The following HK1 variants were observed in gnomAD, a reference collection of about 807,000 sequenced individuals.
The protein encoded by HK1 is hexokinase-1.
In HK1, 28 loss-of-function variants were observed where a neutral mutation model predicts 91.6. That is an observed-to-expected ratio of 0.31 (90% CI 0.23 to 0.42). The LOEUF (loss-of-function observed/expected upper bound fraction) is 0.42, where lower values mean the gene tolerates loss of function less well. HK1 is among the 10% of genes least tolerant of loss of function. HK1 has a pLI of 1.00. For missense variants in HK1, 770 were observed against 1,219.8 expected (o/e 0.63, Z 5.49); for synonymous variants, 430 against 468.1 (o/e 0.92, Z 1.05).
chr10:69,309,750 C>T (rs1846275179), intron 5 of HK1, among the ~76,000 whole-genome samples: 1 of 141,946 alleles, frequency 7.0e-6, no homozygotes, highest in Non-Finnish European at 1.5e-5. Context: ...GCAGTGAGTT[C>T]AGATTGCACC....
In HK1 at chr10:69,401,192, C is replaced by A; in HGVS notation, c.*57C>A. On this transcript the variant is annotated 3_prime_UTR_variant, in exon 18 of 18. Transcript: ENST00000359426. ...AGCACTTCTCTCTTCAAGCGGCGAC[C>A]CCCTACCCTCCCAGCGAGTTGCGCT... The A allele has an allele frequency of 1.3e-6, 2 of 1,567,602 alleles. No individual in the cohort carries two copies. The highest frequency in any genetic ancestry group is 1.7e-6 in the Non-Finnish European group (2 of 1,158,578).
chr10:69,316,128 G>A (rs1846628780), upstream of HK1: 8 of 890,950 alleles, frequency 9.0e-6, no homozygotes, highest in Admixed American at 3.4e-5. Flanking sequence ...TATGAGCGGC[G>A]AACAAATGGA....
At chr10:69,277,894 G>A (rs147191808) in intron 1 of HK1, among the ~76,000 whole-genome samples, 3,429 of 152,196 alleles carry the variant, frequency 0.023, 136 homozygotes, top group African/African-American at 0.077. Flanking sequence ...TTAGCTGGGC[G>A]TGGTGGCAGG....
At chr10:69,305,609 C>G (rs1329036551) in intron 5 of HK1, among the ~76,000 whole-genome samples, 1 of 151,996 alleles carries the variant, frequency 6.6e-6, no homozygotes, top group African/African-American at 2.4e-5. Context: ...AATCCCAACA[C>G]TTTGGGAGGC....
chr10:69,386,943 T>C (rs1839665092), intron 13 of HK1, among the ~76,000 whole-genome samples: 2 of 152,096 alleles, frequency 1.3e-5, no homozygotes, highest in African/African-American at 4.8e-5. Context: ...ATTTTTTTTT[T>C]AGAAAGGCAA....
intron 1 of HK1, among the ~76,000 whole-genome samples, chr10:69,323,201 T>A (rs1302962990): frequency 1.4e-5 from 2 of 146,886 alleles, no homozygotes; most frequent in Non-Finnish European, 3.0e-5. Context: ...GCCAGGATCA[T>A]GCCACTGCAC....
Position 69,392,230 on chromosome 10 carries a change from A to T in HK1, c.2141A>T (p.Asp714Val). 1.2e-6 allele frequency: 2 copies of T among 1,614,188 alleles called. No homozygotes were observed. Among genetic ancestry groups the T allele is most frequent in the Admixed American group, 1.7e-5 (1 of 60,026 alleles). The change falls in exon 15 of 18, where the codon GAC (aspartate) becomes GTC (valine). Residue 714 changes from aspartate (D) to valine (V), a missense_variant. By Grantham distance (152) the Asp-to-Val change is radical. Coordinates refer to ENST00000359426, the MANE Select transcript of HK1 (RefSeq NM_000188.3). ...CINMEWGAFGDNGCLDDIRTH... is the reference protein window; with the variant it reads ...CINMEWGAFGVNGCLDDIRTH... ...AACATGGAGTGGGGGGCCTTTGGGG[A>T]CAACGGGTGTCTGGATGATATCAGG...
rs544601358 is a variant in HK1 at position 69,363,591 on chromosome 10, C to G, written c.376-1192C>G. Among the ~76,000 whole-genome samples, 10 of 152,284 alleles carry G rather than the reference C, an allele frequency of 6.6e-5. No homozygotes were observed. The South Asian group carries it at 2.1e-3, about 32-fold the overall frequency. On this transcript the variant is annotated intron_variant, in intron 3 of 17. Transcript: ENST00000359426. ...AGGAGGTCTCACTTTGTTGCCCAGGCTGGTGTCAAACTCCTGGGCTCAAGT... is the reference window on the plus strand; with the variant it reads ...AGGAGGTCTCACTTTGTTGCCCAGGGTGGTGTCAAACTCCTGGGCTCAAGT...
At chr10:69,307,683 G>A (rs551350615) in intron 5 of HK1, among the ~76,000 whole-genome samples, 71 of 152,166 alleles carry the variant, frequency 4.7e-4, no homozygotes, top group African/African-American at 1.7e-3. Flanking sequence ...CCACCTCATT[G>A]TGTTGTTTTA....
rs1213117408 is a variant in HK1, at chr10:69,384,052, G to A, written c.1571-281G>A. Among the ~76,000 whole-genome samples, 4 of 152,350 alleles carry A rather than the reference G, an allele frequency of 2.6e-5. No individual in the cohort carries two copies. The South Asian group carries it at 8.3e-4, about 32-fold the overall frequency. ...ACCTTGACATAAATTATTATTTTTT[G>A]TAGGAGATTTTCATTGTTGCAGCCC... On this transcript the variant is annotated intron_variant, in intron 10 of 17. Transcript: ENST00000359426.
intron 3 of HK1, among the ~76,000 whole-genome samples, chr10:69,360,664 C>A (rs1370483291): frequency 6.6e-6 from 1 of 152,204 alleles, no homozygotes; most frequent in Non-Finnish European, 1.5e-5. Context: ...TGCCCTTCCT[C>A]CCTGCCCAAG....
chr10:69,322,900 A>T (rs1351742843), intron 1 of HK1, among the ~76,000 whole-genome samples: 1 of 151,664 alleles, frequency 6.6e-6, no homozygotes, highest in Non-Finnish European at 1.5e-5. Context: ...CAAAAAAAAA[A>T]AAAAATGCCC....
At chr10:69,299,085 G>A (rs113864100) in intron 4 of HK1, among the ~76,000 whole-genome samples, 2,202 of 151,480 alleles carry the variant, frequency 0.015, 108 homozygotes, top group African/African-American at 0.051. Context: ...GATTACAGGC[G>A]TGCGCCACCA....
chr10:69,292,392 G>A (rs529151285), intron 3 of HK1: 2 of 443,924 alleles, frequency 4.5e-6, no homozygotes, highest in African/African-American at 2.0e-5. Context: ...GATTATGTGA[G>A]GTAGGACAAG....
intron 1 of HK1, among the ~76,000 whole-genome samples, chr10:69,339,560 TTC>T (rs1352599934): frequency 6.6e-6 from 1 of 152,208 alleles, no homozygotes; most frequent in African/African-American, 2.4e-5. Context: ...GACCAGGCCG[TTC>T]TCTGTGTCTG....
intron 5 of HK1, among the ~76,000 whole-genome samples, chr10:69,304,372 G>A (rs113984048): frequency 0.021 from 3,181 of 151,876 alleles, 108 homozygotes; most frequent in African/African-American, 0.071. Context: ...CAGTGGCCCA[G>A]TCTCGGCTCA....
At chr10:69,376,323 C>G (rs553482485) in intron 7 of HK1, among the ~76,000 whole-genome samples, 1 of 151,958 alleles carries the variant, frequency 6.6e-6, no homozygotes, top group East Asian at 1.9e-4. Context: ...TCGAAACCAG[C>G]CTAGGCAGCA....
rs774699464 is a variant in HK1 at position 69,319,016 on chromosome 10, C to G, written c.63+6C>G. 6.3e-7 allele frequency: 1 copy of G among 1,595,702 alleles called. No homozygotes were observed. Among genetic ancestry groups the G allele is most frequent in the African/African-American group, 1.3e-5 (1 of 74,420 alleles). On this transcript the variant is annotated splice_donor_region_variant and intron_variant, in intron 1 of 17. Transcript: ENST00000359426. The stretch of plus-strand genomic sequence containing the variant: ...AGGATGACCAGGTCAAAAAGGTGAG[C>G]CCCCGCCCGCGCCGCCGCTGGTCCT...
chr10:69,321,210 G>A (rs1847003097), intron 1 of HK1, among the ~76,000 whole-genome samples: 1 of 152,224 alleles, frequency 6.6e-6, no homozygotes, highest in African/African-American at 2.4e-5. Context: ...ACAGCCATCT[G>A]TGGGTGTGGT....
Sources: gnomAD v4.1 joint callset for allele counts (sites outside exome capture counted in the v4.1 genomes callset) on GRCh38, gnomAD v4.1.1 for gene constraint, MANE v1.5 for transcripts, NCBI Gene and HGNC (gene_info 2026-07-23, HGNC 2026-07-21) for gene names.